Variants in NRG1 observed in about 807,000 individuals in gnomAD.
NRG1 encodes the protein neuregulin 1, also known as pro-neuregulin-1, membrane-bound isoform.
In NRG1, 18 loss-of-function variants were observed where a neutral mutation model predicts 63.8. The observed-to-expected ratio is 0.28, with a 90% confidence interval of 0.19 to 0.42. The LOEUF is 0.42. Ranked by LOEUF, NRG1 falls within the 10% of genes least tolerant of loss-of-function variation. The pLI is 1.00. For missense variants in NRG1, 762 were observed against 814.7 expected (o/e 0.94, Z 0.79); for synonymous variants, 302 against 301.3 (o/e 1.00, Z -0.02).
intron 5 of NRG1, among the ~76,000 whole-genome samples, chr8:32,700,321 C>G (rs938648740): frequency 6.6e-6 from 1 of 152,036 alleles, no homozygotes; most frequent in Non-Finnish European, 1.5e-5. Context: ...TTTGGCAATA[C>G]TGTGAGTGAA....
At chr8:32,553,291 A>T (rs1834499579) in intron 1 of NRG1, among the ~76,000 whole-genome samples, 1 of 152,210 alleles carries the variant, frequency 6.6e-6, no homozygotes, top group Non-Finnish European at 1.5e-5. Context: ...GCCCAGTAAT[A>T]TTAGCTGTCT....
chr8:32,747,763 A>T (rs550567960), intron 7 of NRG1, among the ~76,000 whole-genome samples: 107 of 125,118 alleles, frequency 8.6e-4, no homozygotes, highest in African/African-American at 3.3e-3. Context: ...TATATACTTT[A>T]AAAAATCTGG....
intron 1 of NRG1, among the ~76,000 whole-genome samples, chr8:31,921,477 T>TACACACACACACAC (rs10557313): frequency 2.1e-4 from 31 of 150,804 alleles, no homozygotes; most frequent in African/African-American, 7.3e-4. Flanking sequence ...TACACACACA[T>TACACACACACACAC]ACACACACAC....
At chr8:31,649,988 TG>T (rs1359536771) in intron 1 of NRG1, among the ~76,000 whole-genome samples, 1 of 152,078 alleles carries the variant, frequency 6.6e-6, no homozygotes, top group Non-Finnish European at 1.5e-5. Context: ...CTTTTTTTTT[TG>T]TTTGTTTCAG....
In NRG1 at chr8:32,611,776, AT is replaced by A. The variant is rs1588684054; in HGVS notation, c.401-2737del. 2.0e-5 allele frequency among the ~76,000 whole-genome samples: 3 copies of A among 152,110 alleles called. No homozygotes were observed. In the East Asian group the frequency reaches 5.8e-4, roughly 29 times the overall value. On this transcript the variant is annotated intron_variant, in intron 3 of 11. Transcript: ENST00000356819. ...CATATAAGTTTGGTAAAAAAGTCACATAAGTGAATGTTGGAATACACACAGA... is the reference window on the plus strand; with the variant it reads ...CATATAAGTTTGGTAAAAAAGTCACAAAGTGAATGTTGGAATACACACAGA...
At chr8:32,545,377 A>C (rs1270646695), upstream of NRG1, among the ~76,000 whole-genome samples, 1 of 152,156 alleles carries the variant, frequency 6.6e-6, no homozygotes, top group Non-Finnish European at 1.5e-5. Context: ...CTGGGAGCTG[A>C]TATACCCTAT....
intron 1 of NRG1, among the ~76,000 whole-genome samples, chr8:32,351,612 G>A (rs1200513093): frequency 2.0e-5 from 3 of 152,066 alleles, no homozygotes; most frequent in African/African-American, 7.2e-5. Flanking sequence ...GTGCCTTCCA[G>A]CGTCCATCCC....
chr8:32,096,948 TTCTA>T lies in NRG1; in HGVS notation c.37+457522_37+457525del, dbSNP rs541465526. Among the ~76,000 whole-genome samples, 263 of 152,326 alleles carry T rather than the reference TTCTA, an allele frequency of 1.7e-3. 1 individual carries two copies. Among genetic ancestry groups the T allele is most frequent in the Middle Eastern group, 6.8e-3 (2 of 294 alleles). On this transcript the variant is annotated intron_variant, in intron 1 of 10. Coordinates refer to the NRG1 transcript ENST00000519301. The stretch of plus-strand genomic sequence containing the variant: ...TTGCACACTAGGACTTATTTATTCC[TTCTA>T]TCTAACTGTATGTTTTTGCACATTA...
chr8:31,799,590 A>T (rs1197816454), intron 1 of NRG1, among the ~76,000 whole-genome samples: 1 of 152,076 alleles, frequency 6.6e-6, no homozygotes, highest in East Asian at 1.9e-4. Flanking sequence ...ATATAATTAT[A>T]TGAATTTATA....
chr8:32,647,860 C>G (rs201376273), intron 5 of NRG1: 1 of 1,613,928 alleles, frequency 6.2e-7, no homozygotes, highest in South Asian at 1.1e-5. Flanking sequence ...GATGGGAGAA[C>G]CCCTGGACTC....
intron 1 of NRG1, among the ~76,000 whole-genome samples, chr8:32,334,434 TC>T (rs1472707944): frequency 1.4e-4 from 21 of 152,216 alleles, no homozygotes; most frequent in African/African-American, 4.8e-4. Context: ...TCCTCTGAGG[TC>T]CCTGATTATC....
intron 1 of NRG1, among the ~76,000 whole-genome samples, chr8:31,707,677 T>G (rs184912961): frequency 6.6e-6 from 1 of 152,198 alleles, no homozygotes; most frequent in Non-Finnish European, 1.5e-5. Context: ...AATCATCATA[T>G]AAATCTTGCA....
chr8:32,350,004 T>G (rs776313568), intron 1 of NRG1, among the ~76,000 whole-genome samples: 65 of 152,272 alleles, frequency 4.3e-4, no homozygotes, highest in Admixed American at 6.5e-4. Context: ...TCTCAGGTTT[T>G]GAGGAAATGG....
intron 1 of NRG1, among the ~76,000 whole-genome samples, chr8:31,753,741 T>G (rs1287715444): frequency 2.0e-5 from 3 of 152,044 alleles, no homozygotes; most frequent in Non-Finnish European, 2.9e-5. Flanking sequence ...ATATCAGGGT[T>G]TTTTTAAGTT....
chr8:31,887,496 C>A (rs746313273), intron 1 of NRG1, among the ~76,000 whole-genome samples: 2 of 151,922 alleles, frequency 1.3e-5, no homozygotes, highest in East Asian at 3.9e-4. Context: ...TAAAGGTACT[C>A]GAGTTCCTAG....
At chr8:32,230,659 G>T (rs1202579306) in intron 1 of NRG1, among the ~76,000 whole-genome samples, 2 of 152,038 alleles carry the variant, frequency 1.3e-5, no homozygotes, top group African/African-American at 4.8e-5. Flanking sequence ...CGTCATTGCA[G>T]TAAAATGGAA....
intron 1 of NRG1, among the ~76,000 whole-genome samples, chr8:32,248,819 A>G (rs917525745): frequency 5.3e-5 from 8 of 152,122 alleles, no homozygotes; most frequent in African/African-American, 1.9e-4. Context: ...GTTATATTTA[A>G]CACTAAAAAC....
At chr8:32,101,923 A>G (rs1830630483) in intron 1 of NRG1, among the ~76,000 whole-genome samples, 1 of 152,148 alleles carries the variant, frequency 6.6e-6, no homozygotes, top group Non-Finnish European at 1.5e-5. Context: ...GGTGAAATCA[A>G]TTTTCAGTTG....
intron 1 of NRG1, among the ~76,000 whole-genome samples, chr8:32,153,475 T>G (rs1837727231): frequency 6.6e-6 from 1 of 152,182 alleles, no homozygotes; most frequent in East Asian, 1.9e-4. Flanking sequence ...TAGCTGACAT[T>G]GTTACTCCTA....
Sources: allele counts gnomAD v4.1 joint callset (sites outside exome capture counted in the v4.1 genomes callset), GRCh38; gene constraint gnomAD v4.1.1; transcripts MANE v1.5; gene names NCBI Gene and HGNC (gene_info 2026-07-23, HGNC 2026-07-21).